MAST4: variants seen among roughly 807,000 people sequenced by gnomAD.
The protein encoded by MAST4 is microtubule-associated serine/threonine-protein kinase 4.
A neutral mutation model predicts 162.7 loss-of-function variants in MAST4; 89 were observed. The ratio of observed to expected loss-of-function variants is 0.55; its 90% CI spans 0.46 to 0.65. The LOEUF is 0.65. Ranked by LOEUF, MAST4 falls within the 30% of genes least tolerant of loss-of-function variation. MAST4 has a pLI of 0.00. For missense variants in MAST4, 3,153 were observed against 3,374.0 expected (o/e 0.93, Z 1.62); for synonymous variants, 1,479 against 1,361.1 (o/e 1.09, Z -1.91).
At chr5:66,908,286 A>G (rs956675862) in intron 4 of MAST4, among the ~76,000 whole-genome samples, 2 of 152,278 alleles carry the variant, frequency 1.3e-5, no homozygotes, top group African/African-American at 2.4e-5. Flanking sequence ...ACAATGTAGG[A>G]TTGATCTTCT....
chr5:66,808,859 G>A (rs755412007), intron 3 of MAST4, among the ~76,000 whole-genome samples: 2 of 152,160 alleles, frequency 1.3e-5, no homozygotes, highest in Non-Finnish European at 2.9e-5. Flanking sequence ...TACTGGAGGC[G>A]GTGCATGTGT....
intron 12 of MAST4, 71 bp downstream of exon 12, chr5:67,114,290 G>T (rs780028200): frequency 1.3e-6 from 2 of 1,519,730 alleles, no homozygotes; most frequent in Admixed American, 2.4e-5. Flanking sequence ...AATCTAAGTG[G>T]CAAGTCTTTA....
intron 3 of MAST4, among the ~76,000 whole-genome samples, chr5:66,843,672 AGTCACTTTCT>A (rs1179861064): frequency 2.0e-5 from 3 of 152,100 alleles, no homozygotes; most frequent in Non-Finnish European, 4.4e-5. Context: ...GTTTGAATTG[AGTCACTTTCT>A]GTCACTTTCT....
chr5:67,036,599 C>G (rs951972026), intron 4 of MAST4, among the ~76,000 whole-genome samples: 1 of 152,200 alleles, frequency 6.6e-6, no homozygotes, highest in Admixed American at 6.5e-5. Flanking sequence ...CCATATCCTC[C>G]TATATACTTT....
chr5:66,743,153 C>G (rs1164359276), intron 1 of MAST4, among the ~76,000 whole-genome samples: 1 of 152,200 alleles, frequency 6.6e-6, no homozygotes, highest in Non-Finnish European at 1.5e-5. Context: ...ATAGAGCAGC[C>G]CTTGTTCTCT....
chr5:66,602,299 G>A (rs1742605680), intron 1 of MAST4, among the ~76,000 whole-genome samples: 2 of 152,146 alleles, frequency 1.3e-5, no homozygotes, highest in South Asian at 2.1e-4. Context: ...GAAGTGTGGT[G>A]TTTGGGTACT....
intron 5 of MAST4, among the ~76,000 whole-genome samples, chr5:67,056,954 C>T (rs1373892615): frequency 6.6e-6 from 1 of 152,102 alleles, no homozygotes; most frequent in Non-Finnish European, 1.5e-5. Context: ...CCTCCTGCCT[C>T]AGCCACCCAA....
At chr5:66,743,476 T>C (rs891401888) in intron 1 of MAST4, among the ~76,000 whole-genome samples, 1 of 152,176 alleles carries the variant, frequency 6.6e-6, no homozygotes. Context: ...CCTGCGTGCC[T>C]CCCACAGAGG....
intron 4 of MAST4, among the ~76,000 whole-genome samples, chr5:66,956,731 G>A (rs938801172): frequency 2.0e-5 from 3 of 152,134 alleles, no homozygotes; most frequent in African/African-American, 4.8e-5. Flanking sequence ...CCCATATGGG[G>A]CCAAATGTCC....
At chr5:66,858,985 T>C (rs1398136227) in intron 3 of MAST4, among the ~76,000 whole-genome samples, 1 of 152,144 alleles carries the variant, frequency 6.6e-6, no homozygotes, top group East Asian at 1.9e-4. Context: ...TAAATACTAT[T>C]TATTTTTGTA....
In MAST4 at chr5:66,986,470, C is replaced by A. The variant is rs1027902614; in HGVS notation, c.675-67934C>A. The stretch of plus-strand genomic sequence containing the variant: ...CCTGTGTGTCCAAATGCTGGGAGAA[C>A]ATCACCCCTTGGATGAATTGCCACC... On this transcript the variant is annotated intron_variant, in intron 4 of 28. Coordinates refer to ENST00000403625, the MANE Select transcript of MAST4 (RefSeq NM_001164664.2). 1.9e-6 allele frequency: 3 copies of A among 1,573,358 alleles called. No individual in the cohort carries two copies. The African/African-American group carries it at 4.0e-5, about 21-fold the overall frequency.
At chr5:67,144,528 A>G in intron 21 of MAST4, 141 bp from the exon 22 acceptor site, 1 of 809,324 alleles carries the variant, frequency 1.2e-6, no homozygotes, top group Non-Finnish European at 1.9e-6. Context: ...CTGGTTAACA[A>G]CACTGGAAAG....
At chr5:66,894,515 C>T (rs745886152) in intron 3 of MAST4, among the ~76,000 whole-genome samples, 2 of 152,164 alleles carry the variant, frequency 1.3e-5, no homozygotes, top group Non-Finnish European at 2.9e-5. Context: ...TCATGTATCC[C>T]TAAAAGCACC....
At chr5:66,809,644 A>T (rs1050441727) in intron 3 of MAST4, among the ~76,000 whole-genome samples, 1 of 152,240 alleles carries the variant, frequency 6.6e-6, no homozygotes, top group Non-Finnish European at 1.5e-5. Flanking sequence ...TAAAATAAAA[A>T]AATGATTCCT....
rs144014428 is a variant in MAST4 at position 66,763,560 on chromosome 5, C to T, written c.517+3698C>T. ...AATACTGCTTAAACATATTATGGTA[C>T]GCACATAAAATGGAAAACAATTGTA... On this transcript the variant is annotated intron_variant, in intron 2 of 28. Coordinates refer to ENST00000403625, the MANE Select transcript of MAST4 (RefSeq NM_001164664.2). Among the ~76,000 whole-genome samples the T allele has an allele frequency of 2.3e-3, 342 of 151,910 alleles. 2 individuals carry two copies. The highest frequency in any genetic ancestry group is 7.7e-3 in the African/African-American group (317 of 41,434).
intron 3 of MAST4, among the ~76,000 whole-genome samples, chr5:66,865,976 G>A (rs1760486675): frequency 6.6e-6 from 1 of 151,406 alleles, no homozygotes; most frequent in Non-Finnish European, 1.5e-5. Flanking sequence ...TTGGGAGACT[G>A]AGGCAGGAGA....
chr5:66,911,906 G>A (rs1763802524), intron 4 of MAST4, among the ~76,000 whole-genome samples: 2 of 151,894 alleles, frequency 1.3e-5, no homozygotes, highest in African/African-American at 4.8e-5. Flanking sequence ...TTAACTTTTG[G>A]TGTGTCATAG....
At chr5:66,937,523 C>T (rs748035423) in intron 4 of MAST4, among the ~76,000 whole-genome samples, 16 of 152,192 alleles carry the variant, frequency 1.1e-4, no homozygotes, top group Non-Finnish European at 2.2e-4. Flanking sequence ...TAATCCTCCT[C>T]TCCTCACAGA....
At chr5:66,816,244 C>T (rs1393392981) in intron 3 of MAST4, among the ~76,000 whole-genome samples, 2 of 151,468 alleles carry the variant, frequency 1.3e-5, no homozygotes, top group East Asian at 3.9e-4. Flanking sequence ...TTTTTAAGCT[C>T]ATCAGCTATT....
Sources: gnomAD v4.1 joint callset for allele counts (sites outside exome capture counted in the v4.1 genomes callset) on GRCh38, gnomAD v4.1.1 for gene constraint, MANE v1.5 for transcripts, NCBI Gene and HGNC (gene_info 2026-07-23, HGNC 2026-07-21) for gene names.